Variants in SYCP1 observed in about 807,000 individuals in gnomAD.
SYCP1 encodes the protein synaptonemal complex protein 1.
SYCP1 carries 64 observed loss-of-function variants against 153.1 expected under a neutral mutation model. The observed-to-expected ratio is 0.42, with a 90% CI of 0.34 to 0.51. The LOEUF is 0.51. Ranked by LOEUF, SYCP1 falls within the 20% of genes least tolerant of loss-of-function variation. The probability of loss-of-function intolerance (pLI) is 0.06; values close to 1 mark genes in which losing one functional copy is unlikely to be tolerated. For synonymous variants in SYCP1, 384 were observed against 341.8 expected, an observed-to-expected ratio of 1.12 and a Z score of -1.36; for missense variants, 997 against 1,049.0, an observed-to-expected ratio of 0.95 and a Z score of 0.68.
intron 28 of SYCP1, among the ~76,000 whole-genome samples, chr1:114,979,392 G>T (rs1298758858): frequency 6.6e-6 from 1 of 151,700 alleles, no homozygotes; most frequent in East Asian, 1.9e-4. Flanking sequence ...ATACAACAGA[G>T]AAAATTGTGA....
chr1:114,857,173 A>C (rs1333156797), intron 3 of SYCP1, 59 bp from the exon 4 acceptor site: 2 of 1,337,142 alleles, frequency 1.5e-6, no homozygotes, highest in East Asian at 4.8e-5. Flanking sequence ...AAAAGAAAAA[A>C]AAAAAGAAAG....
intron 29 of SYCP1, among the ~76,000 whole-genome samples, chr1:114,982,005 TA>T (rs1278100477): frequency 6.6e-6 from 1 of 152,166 alleles, no homozygotes; most frequent in East Asian, 1.9e-4. Flanking sequence ...CAGATGCCTC[TA>T]GCAAAGTGGC....
intron 29 of SYCP1, among the ~76,000 whole-genome samples, chr1:114,982,463 G>A (rs1301786237): frequency 6.6e-6 from 1 of 151,428 alleles, no homozygotes; most frequent in Non-Finnish European, 1.5e-5. Flanking sequence ...TCAGGCTCAT[G>A]GATTCTTCTT....
chr1:114,942,166 T>C (rs1433127470), intron 23 of SYCP1, among the ~76,000 whole-genome samples: 2 of 151,970 alleles, frequency 1.3e-5, no homozygotes, highest in Non-Finnish European at 2.9e-5. Context: ...AAATGAAAGA[T>C]GAAAGTGAAG....
rs1340726833 is a variant in SYCP1, at chr1:114,874,493, A to G, written c.599-13A>G. ...TTTAAAATTTAATCTTGAAATTTTT[A>G]TATTAACAATAGATGAATATGAACG... On this transcript the variant is annotated splice_polypyrimidine_tract_variant and intron_variant, in intron 8 of 31. Coordinates refer to ENST00000369522, the MANE Select transcript of SYCP1 (RefSeq NM_003176.4). The G allele has an allele frequency of 2.0e-6, 3 of 1,481,738 alleles. No individual in the cohort carries two copies. The highest frequency in any genetic ancestry group is 9.2e-7 in the Non-Finnish European group (1 of 1,082,486). The allele number at this position is 1,481,738 out of a possible 1,614,324, so 91.8% of individuals were successfully genotyped here.
At chr1:114,916,064 C>G (rs1668489024) in intron 20 of SYCP1, among the ~76,000 whole-genome samples, 1 of 152,122 alleles carries the variant, frequency 6.6e-6, no homozygotes, top group Non-Finnish European at 1.5e-5. Context: ...GTCAGCTTCC[C>G]ATAGGTGTAC....
At chr1:114,920,131 C>G (rs1156484318) in intron 20 of SYCP1, among the ~76,000 whole-genome samples, 3 of 151,788 alleles carry the variant, frequency 2.0e-5, no homozygotes, top group Non-Finnish European at 4.4e-5. Flanking sequence ...ACAAACACAC[C>G]TCTTAATACT....
chr1:114,884,894 A>C (rs906972324), intron 12 of SYCP1, among the ~76,000 whole-genome samples: 9 of 152,158 alleles, frequency 5.9e-5, no homozygotes, highest in African/African-American at 2.2e-4. Flanking sequence ...TATGATGTTT[A>C]AAAATGAGTG....
chr1:114,914,101 T>C (rs1414163346), intron 20 of SYCP1, 56 bp downstream of exon 20: 6 of 1,336,330 alleles, frequency 4.5e-6, no homozygotes, highest in Non-Finnish European at 6.2e-6. Flanking sequence ...ATATTTCTTT[T>C]CTATTAACTT....
chr1:114,854,344 G>T (rs1410412651), upstream of SYCP1, among the ~76,000 whole-genome samples: 1 of 152,092 alleles, frequency 6.6e-6, no homozygotes. Context: ...ACGTTGCCCA[G>T]ACTGGTCTTG....
chr1:114,919,162 A>G (rs916740834), intron 20 of SYCP1, among the ~76,000 whole-genome samples: 1 of 151,912 alleles, frequency 6.6e-6, no homozygotes, highest in African/African-American at 2.4e-5. Flanking sequence ...TGCTTTTATT[A>G]TGTTGAGCTA....
intron 11 of SYCP1, 88 bp from the exon 12 acceptor site, chr1:114,878,006 A>G: frequency 1.8e-5 from 14 of 774,196 alleles, no homozygotes; most frequent in Middle Eastern, 4.0e-4. Context: ...GCATGTAGAC[A>G]AGTACATAAA....
intron 30 of SYCP1, among the ~76,000 whole-genome samples, chr1:114,985,892 A>G (rs1239137564): frequency 6.6e-6 from 1 of 150,476 alleles, no homozygotes; most frequent in Non-Finnish European, 1.5e-5. Context: ...GTATTCAACC[A>G]ACTACAGGCC....
At position 114,895,526 on chromosome 1, in the gene SYCP1, C is replaced by A; in HGVS notation, c.1320+17C>A. On this transcript the variant is annotated intron_variant, in intron 16 of 31. Transcript: ENST00000369522. Reference sequence around the variant, plus strand: ...AAAGTCTTGGTAAGTATAGTCTTTCCTATTAATATATAGCAATTACTTTTC... The same window carrying A: ...AAAGTCTTGGTAAGTATAGTCTTTCATATTAATATATAGCAATTACTTTTC... 1 of 1,338,172 alleles carries A rather than the reference C, an allele frequency of 7.5e-7. No homozygotes were observed. The highest frequency in any genetic ancestry group is 1.0e-6 in the Non-Finnish European group (1 of 977,968). 82.9% of individuals were successfully genotyped at this position (1,338,172 alleles called of 1,614,324 possible). A position where few individuals can be genotyped will look rare whatever the true frequency, so the allele number is the denominator to read the frequency against.
chr1:114,901,341 C>T (rs1046764729), intron 16 of SYCP1, among the ~76,000 whole-genome samples: 1 of 152,208 alleles, frequency 6.6e-6, no homozygotes, highest in Non-Finnish European at 1.5e-5. Context: ...CTTGGATATC[C>T]ACTTTAATTA....
intron 15 of SYCP1, among the ~76,000 whole-genome samples, chr1:114,893,710 C>T (rs1163821099): frequency 6.6e-6 from 1 of 152,038 alleles, no homozygotes; most frequent in Non-Finnish European, 1.5e-5. Context: ...CTTCTTTTCC[C>T]ACTTGTGTAT....
At chr1:114,942,740 G>C (rs917623159) in intron 23 of SYCP1, among the ~76,000 whole-genome samples, 1 of 151,824 alleles carries the variant, frequency 6.6e-6, no homozygotes, top group Non-Finnish European at 1.5e-5. Context: ...GAAGATGTGG[G>C]ACAATATCTT....
intron 20 of SYCP1, among the ~76,000 whole-genome samples, chr1:114,919,222 T>C (rs1668700907): frequency 1.3e-5 from 2 of 152,112 alleles, no homozygotes; most frequent in African/African-American, 4.8e-5. Context: ...GAACAGATGT[T>C]GAATTTTATC....
In SYCP1 at chr1:114,857,272, G is replaced by A; in HGVS notation, c.234G>A (p.Glu78=). The change falls in exon 4 of 32, where the codon GAG becomes GAA. Residue 78 remains glutamate, a synonymous_variant. Transcript: ENST00000369522. The part of the protein sequence containing the change: ...LQKVNFLPVL[E]QVGNSDCHYQ... ...AAGTTAATTTCTTGCCCGTGCTTGA[G>A]CAGGTCAGTTAAGCATAGTACATGT... The A allele has an allele frequency of 6.2e-7, 1 of 1,603,134 alleles. No homozygotes were observed. The highest frequency in any genetic ancestry group is 8.5e-7 in the Non-Finnish European group (1 of 1,174,488).
Sources: allele counts gnomAD v4.1 joint callset (sites outside exome capture counted in the v4.1 genomes callset), GRCh38; gene constraint gnomAD v4.1.1; transcripts MANE v1.5; gene names NCBI Gene and HGNC (gene_info 2026-07-23, HGNC 2026-07-21).